RB1: variants seen among roughly 807,000 people sequenced by gnomAD.
RB1 encodes RB transcriptional corepressor 1, also known as retinoblastoma-associated protein.
A neutral mutation model predicts 135.4 loss-of-function variants in RB1; 18 were observed. That is an observed-to-expected ratio of 0.13 (90% CI 0.09 to 0.20). The LOEUF is 0.20. RB1 is among the 10% of genes least tolerant of loss of function. RB1 has a pLI of 1.00. For missense variants in RB1, 868 were observed against 1,110.0 expected, an observed-to-expected ratio of 0.78 and a Z score of 3.10; for synonymous variants, 365 against 373.2, an observed-to-expected ratio of 0.98 and a Z score of 0.25.
chr13:48,384,395 C>T (rs1264640907), intron 17 of RB1, among the ~76,000 whole-genome samples: 2 of 152,068 alleles, frequency 1.3e-5, no homozygotes, highest in Non-Finnish European at 2.9e-5. Context: ...GAATAATTGA[C>T]ATTATAGAGA....
rs1222710769 is a variant in RB1, at chr13:48,481,319, A to G, written c.*1248A>G. 1 of 232,046 alleles carries G rather than the reference A, an allele frequency of 4.3e-6. No individual in the cohort carries two copies. The highest frequency in any genetic ancestry group is 8.5e-6 in the Non-Finnish European group (1 of 117,262). 14.4% of individuals were successfully genotyped at this position (232,046 alleles called of 1,614,324 possible). ...TTTTGTGCAAAAGCTTCAAATTAAA[A>G]CAGCTGCATTAGAAAAAGAGGCGCT... On this transcript the variant is annotated 3_prime_UTR_variant, in exon 27 of 27. Transcript: ENST00000267163.
At position 48,453,165 on chromosome 13, in the gene RB1, A is replaced by G. The variant is rs1326028098; in HGVS notation, c.1814+54A>G. 3 of 1,481,860 alleles carry G rather than the reference A, an allele frequency of 2.0e-6. No individual in the cohort carries two copies. In the African/African-American group the frequency reaches 4.1e-5, roughly 20 times the overall value. The allele number at this position is 1,481,860 out of a possible 1,614,324, so 91.8% of individuals were successfully genotyped here. A position where few individuals can be genotyped will look rare whatever the true frequency, so the allele number is the denominator to read the frequency against. ...TTCAAACTGCAAATAGATTTTAAGC[A>G]TAAGTGCAATGTAACATTCTATAAA... On this transcript the variant is annotated intron_variant, in intron 18 of 26. Transcript: ENST00000267163.
chr13:48,320,183 C>T, intron 2 of RB1: 2 of 917,092 alleles, frequency 2.2e-6, no homozygotes, highest in East Asian at 2.6e-5. Context: ...AAGTCAGCAA[C>T]AAGACCACAG....
intron 17 of RB1, among the ~76,000 whole-genome samples, chr13:48,432,926 A>G (rs1381339615): frequency 2.6e-5 from 4 of 152,164 alleles, no homozygotes; most frequent in Non-Finnish European, 5.9e-5. Flanking sequence ...ATTTAATTTC[A>G]GTCTTTGCTA....
intron 17 of RB1, among the ~76,000 whole-genome samples, chr13:48,422,356 G>A (rs557124337): frequency 1.3e-5 from 2 of 152,112 alleles, no homozygotes; most frequent in Admixed American, 6.5e-5. Context: ...ATCACACATC[G>A]GGGCCTGTCG....
intron 2 of RB1, chr13:48,327,969 T>C (rs1952301978): frequency 3.6e-6 from 2 of 550,320 alleles, no homozygotes; most frequent in African/African-American, 1.9e-5. Context: ...TTTAAAAAGA[T>C]GAAAAAGAAA....
intron 17 of RB1, among the ~76,000 whole-genome samples, chr13:48,425,781 A>C (rs185435958): frequency 6.6e-6 from 1 of 152,316 alleles, no homozygotes; most frequent in Non-Finnish European, 1.5e-5. Context: ...GACCTATAGA[A>C]TTCTTTTCAG....
chr13:48,340,636 T>C (rs1875384126), intron 2 of RB1, among the ~76,000 whole-genome samples: 2 of 151,104 alleles, frequency 1.3e-5, no homozygotes, highest in Non-Finnish European at 3.0e-5. Context: ...TGAGAGCAGT[T>C]ATTGCCTGAG....
At chr13:48,444,836 G>A (rs1263913907) in intron 17 of RB1, 4 of 152,238 alleles carry the variant, frequency 2.6e-5, no homozygotes, top group Non-Finnish European at 4.4e-5. Context: ...TTAGAGTCCT[G>A]CCTTGGAACA....
At chr13:48,361,706 T>G (rs897769496) in intron 7 of RB1, among the ~76,000 whole-genome samples, 1 of 152,134 alleles carries the variant, frequency 6.6e-6, no homozygotes, top group Non-Finnish European at 1.5e-5. Context: ...AGATTTATAC[T>G]TTGTGTTTGG....
At chr13:48,418,655 A>C (rs561279972) in intron 17 of RB1, among the ~76,000 whole-genome samples, 36 of 152,036 alleles carry the variant, frequency 2.4e-4, no homozygotes, top group Non-Finnish European at 4.4e-4. Flanking sequence ...TCACATGCAA[A>C]GACACGTGCT....
Position 48,350,615 on chromosome 13 carries a change from T to C in RB1, c.607+1592T>C, listed in dbSNP as rs558310263. Among the ~76,000 whole-genome samples, 7 of 152,250 alleles carry C rather than the reference T, an allele frequency of 4.6e-5. No individual in the cohort carries two copies. The South Asian group carries it at 1.4e-3, about 32-fold the overall frequency. On this transcript the variant is annotated intron_variant, in intron 6 of 26. Coordinates refer to ENST00000267163, the MANE Select transcript of RB1 (RefSeq NM_000321.3). The stretch of plus-strand genomic sequence containing the variant: ...CTTTTAGGTTCAGGGGTACATGTGA[T>C]GGTTTGTTACATAGGTAAACTTGTG...
intron 17 of RB1, among the ~76,000 whole-genome samples, chr13:48,400,275 A>G (rs1948680477): frequency 6.6e-6 from 1 of 152,064 alleles, no homozygotes; most frequent in Non-Finnish European, 1.5e-5. Flanking sequence ...CAGTGTATTA[A>G]CTCATAACTT....
At chr13:48,378,677 A>G (rs1266819711) in intron 13 of RB1, among the ~76,000 whole-genome samples, 1 of 152,026 alleles carries the variant, frequency 6.6e-6, no homozygotes, top group Non-Finnish European at 1.5e-5. Context: ...ATTATTAAGT[A>G]TTATGTACTG....
intron 17 of RB1, among the ~76,000 whole-genome samples, chr13:48,397,424 A>G (rs950842657): frequency 1.3e-5 from 2 of 152,216 alleles, no homozygotes; most frequent in African/African-American, 4.8e-5. Context: ...GTTTTCACTT[A>G]TAAGTTAAAA....
chr13:48,331,061 A>G (rs2138068534), intron 2 of RB1, among the ~76,000 whole-genome samples: 1 of 152,354 alleles, frequency 6.6e-6, no homozygotes, highest in Non-Finnish European at 1.5e-5. Flanking sequence ...ATCCAGAAAA[A>G]GTGTTTGACA....
intron 17 of RB1, among the ~76,000 whole-genome samples, chr13:48,391,910 G>C (rs1255037860): frequency 6.6e-6 from 1 of 151,850 alleles, no homozygotes. Flanking sequence ...ATGAGCCACC[G>C]CACCCAGCCA....
intron 2 of RB1, chr13:48,316,719 TCACACACACA>T (rs60176662): frequency 0.053 from 5,659 of 107,410 alleles, 239 homozygotes; most frequent in Middle Eastern, 0.085. Context: ...CACAGAACCA[TCACACACACA>T]CACACACACA....
At chr13:48,443,298 T>G (rs116257385) in intron 17 of RB1, among the ~76,000 whole-genome samples, 1,520 of 151,904 alleles carry the variant, frequency 0.01, 36 homozygotes, top group African/African-American at 0.035. Flanking sequence ...ATAAAATGTT[T>G]TAAAGAAAGA....
Sources: allele counts gnomAD v4.1 joint callset (sites outside exome capture counted in the v4.1 genomes callset), GRCh38; gene constraint gnomAD v4.1.1; transcripts MANE v1.5; gene names NCBI Gene and HGNC (gene_info 2026-07-23, HGNC 2026-07-21).